Variants in TBC1D10A observed in about 807,000 individuals in gnomAD.
TBC1D10A encodes the protein TBC1 domain family member 10A.
Under a neutral mutation model 52.9 loss-of-function variants are expected in TBC1D10A, and 24 were observed. The observed-to-expected ratio is 0.45, with a 90% CI of 0.33 to 0.64. TBC1D10A has a LOEUF of 0.64. TBC1D10A is among the 30% of genes least tolerant of loss of function. The pLI is 0.02. For missense variants in TBC1D10A, 602 were observed against 687.9 expected (o/e 0.88, Z 1.40); for synonymous variants, 278 against 282.9 (o/e 0.98, Z 0.17).
intron 1 of TBC1D10A, among the ~76,000 whole-genome samples, chr22:30,322,065 C>T (rs1372643681): frequency 1.3e-5 from 2 of 151,770 alleles, no homozygotes; most frequent in Non-Finnish European, 2.9e-5. Flanking sequence ...TTACAACCTC[C>T]GCCTCCCAAG....
chr22:30,312,011 T>G (rs1281435219), intron 1 of TBC1D10A, among the ~76,000 whole-genome samples: 2 of 152,190 alleles, frequency 1.3e-5, no homozygotes, highest in Non-Finnish European at 2.9e-5. Context: ...CAGGCTAGTC[T>G]CAAACTCCTG....
chr22:30,315,703 G>A (rs1029192116), intron 1 of TBC1D10A, among the ~76,000 whole-genome samples: 3 of 152,212 alleles, frequency 2.0e-5, no homozygotes, highest in African/African-American at 2.4e-5. Context: ...GGAGTTCTCC[G>A]AACTTATGCT....
intron 3 of TBC1D10A, chr22:30,296,508 G>C (rs1930083825): frequency 6.6e-6 from 1 of 152,270 alleles, no homozygotes; most frequent in South Asian, 2.1e-4. Context: ...TCTGCACAGA[G>C]CTCTTTCTGG....
intron 3 of TBC1D10A, chr22:30,298,126 G>A (rs1930123278): frequency 1.3e-5 from 2 of 152,258 alleles, no homozygotes; most frequent in African/African-American, 4.8e-5. Context: ...CATGCTTGCT[G>A]AACCACACAG....
At chr22:30,310,041 A>G (rs909134374) in intron 1 of TBC1D10A, among the ~76,000 whole-genome samples, 2 of 152,204 alleles carry the variant, frequency 1.3e-5, no homozygotes, top group Non-Finnish European at 2.9e-5. Context: ...GAGGTCACAG[A>G]CCACAGGACT....
chr22:30,294,110 C>T lies in TBC1D10A; in HGVS notation c.706G>A (p.Glu236Lys), dbSNP rs201531576. The change falls in exon 7 of 9, where the codon GAG becomes AAG. Residue 236 changes from glutamate to lysine, a missense_variant and splice_region_variant. Physicochemically the swap from Glu to Lys is moderately conservative, Grantham distance 56. Coordinates refer to ENST00000215790, the MANE Select transcript of TBC1D10A (RefSeq NM_031937.3). The stretch of plus-strand genomic sequence containing the variant: ...ATCTCCCCGTCCAGCTGGATCGCCT[C>T]CTAGGGAGACATCGAGGCCACGGGA... ...YLPGYYSEKLEAIQLDGEILF... is the reference protein window; with the variant it reads ...YLPGYYSEKLKAIQLDGEILF... 5 of 1,612,624 alleles carry T rather than the reference C, an allele frequency of 3.1e-6. No homozygotes were observed. The Admixed American group carries it at 5.0e-5, about 16-fold the overall frequency.
At chr22:30,324,949 A>C (rs1003072271) in intron 1 of TBC1D10A, among the ~76,000 whole-genome samples, 22 of 152,220 alleles carry the variant, frequency 1.4e-4, no homozygotes, top group Non-Finnish European at 4.4e-5. Flanking sequence ...CTCATGCCCT[A>C]GCATTCTCCC....
chr22:30,303,364 G>A (rs886708652), intron 2 of TBC1D10A, among the ~76,000 whole-genome samples: 3 of 152,224 alleles, frequency 2.0e-5, no homozygotes, highest in African/African-American at 7.2e-5. Context: ...TAGCTATAGA[G>A]AATAACAAGC....
intron 1 of TBC1D10A, 111 bp downstream of exon 1, chr22:30,326,562 T>C (rs1930779629): frequency 1.5e-5 from 16 of 1,045,770 alleles, no homozygotes; most frequent in Admixed American, 3.1e-5. Flanking sequence ...CGGGGATTAG[T>C]GGTCCCTGCC....
In TBC1D10A at chr22:30,304,614, G is replaced by A; in HGVS notation, c.226C>T (p.Leu76=). The A allele has an allele frequency of 1.9e-6, 3 of 1,614,074 alleles. No homozygotes were observed. The highest frequency in any genetic ancestry group is 2.5e-6 in the Non-Finnish European group (3 of 1,179,980). ...GACTCCCTCTGCCTCAGCACCTCCA[G>A]GGGTACTTCCTCCAGCCTGTGGAGC... ...GAEGALEEVP[L]EVLRQRESKW... is the part of the protein sequence containing the mutation. The change falls in exon 2 of 9, where the codon CTG becomes TTG. Residue 76 remains leucine (L), a synonymous_variant. Transcript: ENST00000215790.
In TBC1D10A at chr22:30,297,835, C is replaced by T. The variant is rs1930115376; in HGVS notation, c.417+1609G>A. 1 of 149,068 alleles carries T rather than the reference C, an allele frequency of 6.7e-6. No individual in the cohort carries two copies. The highest frequency in any genetic ancestry group is 2.1e-4 in the South Asian group (1 of 4,782). The allele number at this position is 149,068 out of a possible 1,614,324, so 9.2% of individuals were successfully genotyped here. ...TCACCAGACCCCCACTGTGCCCTGC[C>T]TCGGCACAGGACCCGCAGCAACCAG... On this transcript the variant is annotated intron_variant, in intron 3 of 8. Transcript: ENST00000215790. The surrounding 1 kb of genome is among the most constrained non-coding windows in gnomAD (Gnocchi z 4.3).
At chr22:30,308,292 A>ATGCATGCCTGCCTGCC (rs771516365) in intron 1 of TBC1D10A, among the ~76,000 whole-genome samples, 11 of 78,786 alleles carry the variant, frequency 1.4e-4, no homozygotes, top group Admixed American at 3.2e-4. Flanking sequence ...GCATGCCTGC[A>ATGCATGCCTGCCTGCC]TGCCTGCATG....
intron 4 of TBC1D10A, 29 bp from the exon 5 acceptor site, chr22:30,295,084 G>T: frequency 6.2e-7 from 1 of 1,606,938 alleles, no homozygotes; most frequent in Non-Finnish European, 8.5e-7. Flanking sequence ...GAGCAGTGAT[G>T]ACCGGGGTGA....
At chr22:30,321,286 A>T (rs926902264) in intron 1 of TBC1D10A, among the ~76,000 whole-genome samples, 1 of 152,196 alleles carries the variant, frequency 6.6e-6, no homozygotes, top group Non-Finnish European at 1.5e-5. Context: ...CCAGGGCCCC[A>T]TATGTACAAA....
At position 30,299,538 on chromosome 22, in the gene TBC1D10A, C is replaced by T. The variant is rs2145766956; in HGVS notation, c.323G>A (p.Cys108Tyr). 6.2e-7 allele frequency: 1 copy of T among 1,614,058 alleles called. No homozygotes were observed. Among genetic ancestry groups the T allele is most frequent in the Non-Finnish European group, 8.5e-7 (1 of 1,179,956 alleles). The stretch of plus-strand genomic sequence containing the variant: ...CAGAGAAGGCGGGATGCCCTTTTGG[C>T]ACCGCAGACGAATCTGAAAATCAAA... ...AKKHKKIRLR[C>Y]QKGIPPSLRG... The change falls in exon 3 of 9, where the codon TGC (cysteine) becomes TAC (tyrosine). Residue 108 changes from cysteine (C) to tyrosine (Y), a missense_variant. Transcript: ENST00000215790.
intron 1 of TBC1D10A, 143 bp downstream of exon 1, chr22:30,326,530 G>C (rs1225854471): frequency 8.7e-5 from 68 of 781,758 alleles, no homozygotes; most frequent in Non-Finnish European, 1.2e-4. Context: ...CAGGGGTGGT[G>C]GGGGTGGGGC....
Position 30,326,753 on chromosome 22 carries a change from A to G in TBC1D10A, c.129T>C (p.Ser43=), listed in dbSNP as rs770601063. 2.0e-6 allele frequency: 3 copies of G among 1,529,982 alleles called. No homozygotes were observed. The highest frequency in any genetic ancestry group is 2.4e-5 in the South Asian group (2 of 84,668). The allele number at this position is 1,529,982 out of a possible 1,614,324, so 94.8% of individuals were successfully genotyped here. A position where few individuals can be genotyped will look rare whatever the true frequency, so the allele number is the denominator to read the frequency against. ...CGGCGAAGCCGTTGGCCTCCGAGTC[A>G]GACCCGAGAGAGCTGAGTTCGTCGG... The part of the protein sequence containing the change: ...ATTDELSSLG[S]DSEANGFAER... The change falls in exon 1 of 9, where the codon TCT becomes TCC. Residue 43 remains serine (S), a synonymous_variant. Transcript: ENST00000215790.
intron 1 of TBC1D10A, among the ~76,000 whole-genome samples, chr22:30,324,725 C>A (rs948768401): frequency 6.6e-6 from 1 of 152,168 alleles, no homozygotes; most frequent in Non-Finnish European, 1.5e-5. Flanking sequence ...GGCACCTTCA[C>A]GTATCATATA....
chr22:30,317,155 C>T (rs1447307044), intron 1 of TBC1D10A, among the ~76,000 whole-genome samples: 1 of 152,188 alleles, frequency 6.6e-6, no homozygotes, highest in Non-Finnish European at 1.5e-5. Context: ...TGCCTGTAAT[C>T]CCAGCATTTT....
Sources: allele counts gnomAD v4.1 joint callset (sites outside exome capture counted in the v4.1 genomes callset), GRCh38; gene constraint gnomAD v4.1.1; non-coding constraint Gnocchi (gnomAD v3.1); transcripts MANE v1.5; gene names NCBI Gene and HGNC (gene_info 2026-07-23, HGNC 2026-07-21).